Variants in URI1 observed in about 807,000 individuals in gnomAD.
URI1 encodes the protein URI1 prefoldin like chaperone, also known as unconventional prefoldin RPB5 interactor 1.
In URI1, 39 loss-of-function variants were observed where a neutral mutation model predicts 60.2. The observed-to-expected ratio is 0.65, with a 90% CI of 0.50 to 0.85. URI1 has a LOEUF of 0.85. URI1 is among the 40% of genes least tolerant of loss of function. The pLI is 0.00. For missense variants in URI1, 691 were observed against 665.9 expected, an observed-to-expected ratio of 1.04 and a Z score of -0.42; for synonymous variants, 251 against 236.8, an observed-to-expected ratio of 1.06 and a Z score of -0.55.
intron 1 of URI1, among the ~76,000 whole-genome samples, chr19:29,923,937 C>A (rs746406505): frequency 6.6e-6 from 1 of 152,102 alleles, no homozygotes; most frequent in Non-Finnish European, 1.5e-5. Context: ...GATTAGGAGC[C>A]TAAGAAGTCC....
At chr19:29,987,966 G>A (rs965750378) in intron 4 of URI1, among the ~76,000 whole-genome samples, 1 of 152,038 alleles carries the variant, frequency 6.6e-6, no homozygotes, top group South Asian at 2.1e-4. Flanking sequence ...TCAGGAGTCC[G>A]AGACCAGCCC....
At chr19:29,932,472 G>A (rs746569832) in intron 1 of URI1, among the ~76,000 whole-genome samples, 2 of 149,960 alleles carry the variant, frequency 1.3e-5, no homozygotes, top group East Asian at 2.0e-4. Flanking sequence ...GTCTGCCACC[G>A]CACCCGGCTA....
In URI1 at chr19:30,009,010, C is replaced by T. The variant is rs2055979581; in HGVS notation, c.692C>T (p.Pro231Leu). The T allele has an allele frequency of 6.2e-7, 1 of 1,606,408 alleles. No individual in the cohort carries two copies. Among genetic ancestry groups the T allele is most frequent in the East Asian group, 2.2e-5 (1 of 44,682 alleles). The change falls in exon 8 of 11, where the codon CCT (proline) becomes CTT (leucine). Residue 231 changes from proline (P) to leucine (L), a missense_variant. Coordinates refer to ENST00000392271, the MANE Select transcript of URI1 (RefSeq NM_003796.3). ...TTAATTTTCTTCCTTGCTAGTAAGCCTGATACTGTGATTGCAAATGGAGAA... is the reference window on the plus strand; with the variant it reads ...TTAATTTTCTTCCTTGCTAGTAAGCTTGATACTGTGATTGCAAATGGAGAA... ...EELLGELDSKPDTVIANGEDT... is the reference protein window; with the variant it reads ...EELLGELDSKLDTVIANGEDT...
At chr19:30,000,286 A>T (rs2055861922) in intron 4 of URI1, among the ~76,000 whole-genome samples, 1 of 151,630 alleles carries the variant, frequency 6.6e-6, no homozygotes, top group African/African-American at 2.4e-5. Context: ...GTCTTGCTTC[A>T]ATTTGGACTG....
In URI1 at chr19:30,016,174, T is replaced by A. The variant is rs971761498; in HGVS notation, c.*1105T>A. On this transcript the variant is annotated 3_prime_UTR_variant, in exon 11 of 11. Coordinates refer to ENST00000392271, the MANE Select transcript of URI1 (RefSeq NM_003796.3). ...GTTATTTATAGCTTCTTTAATGAATTCTTCTTAAACAAAGTGAAATTATGT... is the reference window on the plus strand; with the variant it reads ...GTTATTTATAGCTTCTTTAATGAATACTTCTTAAACAAAGTGAAATTATGT... The A allele has an allele frequency of 1.3e-5, 2 of 152,098 alleles. No individual in the cohort carries two copies. Among genetic ancestry groups the A allele is most frequent in the African/African-American group, 2.4e-5 (1 of 41,454 alleles). The allele number at this position is 152,098 out of a possible 1,614,324, so 9.4% of individuals were successfully genotyped here.
At chr19:30,007,315 A>C (rs555212001) in intron 6 of URI1, among the ~76,000 whole-genome samples, 155 bp from the exon 7 acceptor site, 1 of 152,160 alleles carries the variant, frequency 6.6e-6, no homozygotes, top group African/African-American at 2.4e-5. Flanking sequence ...CAAGGCTGTA[A>C]GAGACATTCA....
upstream of URI1, among the ~76,000 whole-genome samples, chr19:29,939,277 A>AAAGCTGATC (rs2055000820): frequency 7.0e-6 from 1 of 142,818 alleles, no homozygotes; most frequent in Admixed American, 7.0e-5. Context: ...GCGCCTTGCC[A>AAAGCTGATC]ATTTTTTTTT....
intron 1 of URI1, among the ~76,000 whole-genome samples, chr19:29,949,823 T>G (rs1161078036): frequency 6.6e-6 from 1 of 151,722 alleles, no homozygotes; most frequent in African/African-American, 2.4e-5. Context: ...GGCAGGAGAA[T>G]CAGGCAGGGA....
chr19:29,983,929 G>A (rs1046504540), intron 2 of URI1, among the ~76,000 whole-genome samples: 1 of 152,064 alleles, frequency 6.6e-6, no homozygotes, highest in Non-Finnish European at 1.5e-5. Context: ...AAATTGAAAC[G>A]CCTTTTGTAT....
At chr19:29,994,942 G>A (rs572634059) in intron 4 of URI1, among the ~76,000 whole-genome samples, 101 of 152,036 alleles carry the variant, frequency 6.6e-4, no homozygotes, top group African/African-American at 2.4e-3. Context: ...CACCATGCCC[G>A]ACTAATTTTT....
At chr19:29,933,782 A>G (rs1408603708) in intron 1 of URI1, among the ~76,000 whole-genome samples, 3 of 151,354 alleles carry the variant, frequency 2.0e-5, no homozygotes, top group African/African-American at 7.3e-5. Flanking sequence ...AGACTGTGCT[A>G]CTGCACTCCA....
chr19:29,999,819 A>G (rs1437327900), intron 4 of URI1, among the ~76,000 whole-genome samples: 1 of 151,946 alleles, frequency 6.6e-6, no homozygotes, highest in Non-Finnish European at 1.5e-5. Context: ...ACCACAAACC[A>G]TCTTAAGACG....
At chr19:29,943,874 C>G (rs1377306484) in intron 1 of URI1, among the ~76,000 whole-genome samples, 1 of 151,874 alleles carries the variant, frequency 6.6e-6, no homozygotes. Flanking sequence ...TGACTCAAAC[C>G]TGTAATCCCA....
chr19:29,967,516 A>G (rs1292963599), intron 1 of URI1, among the ~76,000 whole-genome samples: 1 of 152,264 alleles, frequency 6.6e-6, no homozygotes. Context: ...ATTGGAAGAA[A>G]TAAGGATTAT....
chr19:30,004,582 T>G (rs1293202463), intron 4 of URI1: 2 of 151,980 alleles, frequency 1.3e-5, no homozygotes, highest in Non-Finnish European at 2.9e-5. Flanking sequence ...CTATTATTCT[T>G]TATCAGCGCT....
intron 2 of URI1, among the ~76,000 whole-genome samples, chr19:29,972,189 A>C (rs1017214354): frequency 6.6e-6 from 1 of 152,076 alleles, no homozygotes; most frequent in African/African-American, 2.4e-5. Flanking sequence ...CATCTTATTA[A>C]ATTTTGACTA....
At chr19:29,996,277 G>T (rs1289013000) in intron 4 of URI1, among the ~76,000 whole-genome samples, 1 of 152,058 alleles carries the variant, frequency 6.6e-6, no homozygotes, top group African/African-American at 2.4e-5. Context: ...ATTTGTTTTA[G>T]CAACACTTTA....
chr19:29,998,823 TGG>T (rs1437426341), intron 4 of URI1, among the ~76,000 whole-genome samples: 2 of 152,088 alleles, frequency 1.3e-5, no homozygotes, highest in Non-Finnish European at 2.9e-5. Flanking sequence ...TAATTACTGA[TGG>T]GGGAAAGACT....
At chr19:30,003,831 AAG>A (rs1434960966) in intron 4 of URI1, among the ~76,000 whole-genome samples, 1 of 152,094 alleles carries the variant, frequency 6.6e-6, no homozygotes, top group Non-Finnish European at 1.5e-5. Context: ...TTCTTGAAAA[AAG>A]TTATTGATTT....
Sources: allele counts gnomAD v4.1 joint callset (sites outside exome capture counted in the v4.1 genomes callset), GRCh38; gene constraint gnomAD v4.1.1; transcripts MANE v1.5; gene names NCBI Gene and HGNC (gene_info 2026-07-23, HGNC 2026-07-21).